The following GPHN variants were observed in gnomAD, a reference collection of about 807,000 sequenced individuals.
GPHN encodes the protein gephyrin.
A neutral mutation model predicts 95.5 loss-of-function variants in GPHN; 17 were observed. The observed-to-expected ratio is 0.18, with a 90% confidence interval of 0.12 to 0.27. The LOEUF is 0.27. Among genes scored for constraint, GPHN ranks in the 10% least tolerant of loss-of-function variants. The pLI, the probability that GPHN is intolerant of heterozygous loss-of-function variation, is 1.00. For synonymous variants in GPHN, 320 were observed against 322.5 expected (o/e 0.99, Z 0.08); for missense variants, 660 against 978.1 (o/e 0.67, Z 4.34).
chr14:66,696,696 C>G (rs1334818993), intron 2 of GPHN, among the ~76,000 whole-genome samples: 2 of 152,212 alleles, frequency 1.3e-5, no homozygotes, highest in African/African-American at 4.8e-5. Flanking sequence ...GATTCTCACC[C>G]TCACTAGACT....
the GPHN span, among the ~76,000 whole-genome samples, chr14:67,557,956 G>A: frequency 3.9e-5 from 6 of 152,210 alleles, no homozygotes; most frequent in Admixed American, 2.0e-4. Context: ...GTTGCCCAAA[G>A]TTTCTTAGTG....
intron 4 of GPHN, among the ~76,000 whole-genome samples, chr14:66,876,925 T>C (rs868498754): frequency 6.6e-6 from 1 of 152,036 alleles, no homozygotes; most frequent in African/African-American, 2.4e-5. Context: ...TACCGAAACC[T>C]GAGAGAGACA....
intron 12 of GPHN, among the ~76,000 whole-genome samples, chr14:67,098,159 GAT>G: frequency 6.6e-6 from 1 of 151,328 alleles, no homozygotes; most frequent in Admixed American, 6.6e-5. Context: ...TAAAAAAAAA[GAT>G]AAACCTAACC....
chr14:67,127,887 T>C (rs2079431241), intron 17 of GPHN, among the ~76,000 whole-genome samples: 1 of 152,244 alleles, frequency 6.6e-6, no homozygotes, highest in South Asian at 2.1e-4. Flanking sequence ...TGTTGAATTA[T>C]CTTTGTCTGG....
At chr14:67,064,971 C>A (rs1429664817) in intron 11 of GPHN, among the ~76,000 whole-genome samples, 2 of 152,128 alleles carry the variant, frequency 1.3e-5, no homozygotes, top group African/African-American at 4.8e-5. Context: ...TTGCCTTCTG[C>A]TAGCTTTTGA....
At chr14:67,090,669 A>T (rs943717729) in intron 12 of GPHN, among the ~76,000 whole-genome samples, 1 of 152,058 alleles carries the variant, frequency 6.6e-6, no homozygotes, top group Non-Finnish European at 1.5e-5. Flanking sequence ...TAAATACTTC[A>T]TTAATCTCCT....
intron 3 of GPHN, among the ~76,000 whole-genome samples, chr14:66,780,736 A>G (rs2059575214): frequency 6.6e-6 from 1 of 152,178 alleles, no homozygotes; most frequent in Non-Finnish European, 1.5e-5. Context: ...CTCAAAGAAA[A>G]ACTGTTCTAA....
chr14:66,769,574 G>A (rs2059088747), intron 2 of GPHN, among the ~76,000 whole-genome samples: 1 of 152,060 alleles, frequency 6.6e-6, no homozygotes, highest in Admixed American at 6.6e-5. Flanking sequence ...AGAACATGTG[G>A]TATTTGGCTT....
intron 9 of GPHN, chr14:66,985,691 C>T (rs890700624): frequency 5.9e-6 from 9 of 1,529,048 alleles, no homozygotes; most frequent in Admixed American, 3.9e-5. Context: ...GCAAATTAGA[C>T]GGCCGGATGA....
the GPHN span, chr14:67,473,744 C>A: frequency 1.9e-6 from 3 of 1,613,264 alleles, no homozygotes; most frequent in Non-Finnish European, 2.5e-6. This position sits in a 1 kb window ranked among gnomAD's most constrained non-coding sequence, Gnocchi z 6.5. Context: ...ACATGCGCTC[C>A]ACGATGAGGA....
At chr14:67,700,764 C>T in the GPHN span, among the ~76,000 whole-genome samples, 2 of 148,732 alleles carry the variant, frequency 1.3e-5, no homozygotes, top group East Asian at 2.0e-4. Flanking sequence ...GTGACTCATG[C>T]CTGCAATCCC....
intron 5 of GPHN, among the ~76,000 whole-genome samples, chr14:66,896,272 A>T (rs1431375565): frequency 6.6e-6 from 1 of 152,154 alleles, no homozygotes; most frequent in Non-Finnish European, 1.5e-5. Context: ...AAGAAAAAAT[A>T]TGTTAGAATT....
chr14:67,321,133 A>G, the GPHN span: 13 of 1,614,112 alleles, frequency 8.1e-6, no homozygotes, highest in Non-Finnish European at 1.0e-5. Context: ...CATTCGAGGC[A>G]GACATAGCAG....
At chr14:66,887,847 A>G (rs777114012) in intron 5 of GPHN, among the ~76,000 whole-genome samples, 155 of 152,346 alleles carry the variant, frequency 1.0e-3, no homozygotes, top group Middle Eastern at 3.4e-3. Context: ...AAGTGCTCCA[A>G]TGGATGAAAC....
At chr14:67,055,530 G>C (rs1392568287) in intron 10 of GPHN, among the ~76,000 whole-genome samples, 1 of 152,184 alleles carries the variant, frequency 6.6e-6, no homozygotes, top group African/African-American at 2.4e-5. Context: ...TATACCATTT[G>C]ATCCAGCAAT....
the GPHN span, chr14:67,350,568 ATCACTTTGTTTTGCT>A: frequency 6.6e-7 from 1 of 1,521,806 alleles, no homozygotes; most frequent in Non-Finnish European, 9.0e-7. Flanking sequence ...TGAGACTGAA[ATCACTTTGTTTTGCT>A]TCAAAACACC....
intron 4 of GPHN, among the ~76,000 whole-genome samples, chr14:66,830,272 A>C (rs1566990466): frequency 6.6e-6 from 1 of 152,056 alleles, no homozygotes; most frequent in Non-Finnish European, 1.5e-5. Flanking sequence ...TTATATTTTT[A>C]ATTTTAGATG....
At chr14:66,793,087 C>T (rs1441916574) in intron 3 of GPHN, among the ~76,000 whole-genome samples, 6 of 152,354 alleles carry the variant, frequency 3.9e-5, no homozygotes, top group South Asian at 4.1e-4. Flanking sequence ...AACCTTCCGG[C>T]GTGGGCCTTA....
the GPHN span, among the ~76,000 whole-genome samples, chr14:67,365,294 G>C: frequency 1.3e-5 from 2 of 152,182 alleles, no homozygotes; most frequent in South Asian, 2.1e-4. Context: ...ACCAAACTTA[G>C]AGACAGGTAA....
Sources: gnomAD v4.1 joint callset for allele counts (sites outside exome capture counted in the v4.1 genomes callset) on GRCh38, gnomAD v4.1.1 for gene constraint, Gnocchi (gnomAD v3.1) non-coding constraint, MANE v1.5 for transcripts, NCBI Gene and HGNC (gene_info 2026-07-23, HGNC 2026-07-21) for gene names.